TRHDE: variants seen among roughly 807,000 people sequenced by gnomAD.
TRHDE encodes the protein thyrotropin releasing hormone degrading enzyme, also known as thyrotropin-releasing hormone-degrading ectoenzyme.
In TRHDE, 72 loss-of-function variants were observed where a neutral mutation model predicts 125.7. The ratio of observed to expected loss-of-function variants is 0.57; its 90% CI spans 0.47 to 0.70. The LOEUF (loss-of-function observed/expected upper bound fraction) is 0.70. Ranked by LOEUF, TRHDE falls within the 30% of genes least tolerant of loss-of-function variation. The probability of loss-of-function intolerance (pLI) is 0.00; values close to 1 mark genes in which losing one functional copy is unlikely to be tolerated. For missense variants in TRHDE, 1,110 were observed against 1,327.1 expected (o/e 0.84, Z 2.54); for synonymous variants, 509 against 509.1 (o/e 1.00, Z 0.00).
chr12:72,191,444 C>T lies in TRHDE; in HGVS notation n.279+85692C>T, dbSNP rs368157938. Among the ~76,000 whole-genome samples, 7 of 152,246 alleles carry T rather than the reference C, an allele frequency of 4.6e-5. No homozygotes were observed. The East Asian group carries it at 7.7e-4, about 17-fold the overall frequency. On this transcript the variant is annotated intron_variant and non_coding_transcript_variant, in intron 2 of 4. Coordinates refer to the TRHDE transcript ENST00000548156. The stretch of plus-strand genomic sequence containing the variant: ...TTTAATAATCCCCTGTAAAAATTTC[C>T]ATGTTTGTTTCAGTTAGTAACTATG...
In TRHDE at chr12:72,095,746, G is replaced by C. The variant is rs181626788; in HGVS notation, n.174+8307G>C. 3.3e-5 allele frequency among the ~76,000 whole-genome samples: 5 copies of C among 152,302 alleles called. No individual in the cohort carries two copies. In the East Asian group the frequency reaches 7.7e-4, roughly 23 times the overall value. The stretch of plus-strand genomic sequence containing the variant: ...ATGAAGAAATTTGCTAAGACTTGTT[G>C]TTCCTATACTCAGTGTGATGGTTAA... On this transcript the variant is annotated intron_variant and non_coding_transcript_variant, in intron 1 of 4. Coordinates refer to the TRHDE transcript ENST00000548156.
intron 2 of TRHDE, among the ~76,000 whole-genome samples, chr12:72,368,382 T>C (rs926158487): frequency 3.9e-5 from 6 of 152,154 alleles, no homozygotes; most frequent in African/African-American, 1.4e-4. Flanking sequence ...CAATTATATA[T>C]GTATTTTTAC....
chr12:72,537,836 G>A (rs1787639286), intron 6 of TRHDE, among the ~76,000 whole-genome samples: 1 of 152,034 alleles, frequency 6.6e-6, no homozygotes, highest in African/African-American at 2.4e-5. Flanking sequence ...GTATAATGGT[G>A]ACAGACCAAT....
intron 12 of TRHDE, among the ~76,000 whole-genome samples, chr12:72,607,783 C>T (rs1233756651): frequency 2.0e-5 from 3 of 152,118 alleles, no homozygotes; most frequent in Non-Finnish European, 4.4e-5. Flanking sequence ...GTGTTGCTAT[C>T]GCTTTGCTCT....
At chr12:72,502,043 A>G (rs1878178743) in intron 6 of TRHDE, among the ~76,000 whole-genome samples, 1 of 151,994 alleles carries the variant, frequency 6.6e-6, no homozygotes, top group African/African-American at 2.4e-5. Context: ...AGATATTGGT[A>G]ATTTGTGTAT....
chr12:72,660,382 C>G (rs994601471), intron 18 of TRHDE, among the ~76,000 whole-genome samples: 7 of 152,080 alleles, frequency 4.6e-5, no homozygotes, highest in African/African-American at 1.7e-4. Flanking sequence ...CCACAAGAAG[C>G]TGGTGGAGCA....
intron 15 of TRHDE, among the ~76,000 whole-genome samples, chr12:72,630,811 T>C (rs1873462454): frequency 6.7e-6 from 1 of 149,800 alleles, no homozygotes. Context: ...TTTTTAACTG[T>C]ATAGGGAAAA....
intron 3 of TRHDE, among the ~76,000 whole-genome samples, chr12:72,403,321 G>A (rs1433612177): frequency 1.3e-5 from 2 of 152,094 alleles, no homozygotes; most frequent in African/African-American, 2.4e-5. Context: ...GAACATTCAG[G>A]GCCTTTGTAT....
intron 12 of TRHDE, among the ~76,000 whole-genome samples, chr12:72,608,069 T>G (rs1251559788): frequency 6.6e-6 from 1 of 152,134 alleles, no homozygotes. Context: ...GAACTAGAGC[T>G]GTACTTGGTT....
In TRHDE at chr12:72,353,001, T is replaced by TA. The variant is rs1213615403; in HGVS notation, c.1189-24987dup. On this transcript the variant is annotated intron_variant, in intron 2 of 18. Transcript: ENST00000261180. ...GTAGTATGTGTTTCTGCTTCTTTTT[T>TA]AAAAAAATTACCCAATACAACCATG... 2.0e-5 allele frequency among the ~76,000 whole-genome samples: 3 copies of TA among 151,716 alleles called. No individual in the cohort carries two copies. In the East Asian group the frequency reaches 5.8e-4, roughly 29 times the overall value.
At chr12:72,292,273 T>C (rs1880118135) in intron 2 of TRHDE, among the ~76,000 whole-genome samples, 1 of 152,238 alleles carries the variant, frequency 6.6e-6, no homozygotes, top group Admixed American at 6.5e-5. Flanking sequence ...ATTTTTGTCC[T>C]GACAGTGACC....
At chr12:72,589,395 TG>T (rs1871577671) in intron 12 of TRHDE, among the ~76,000 whole-genome samples, 2 of 152,170 alleles carry the variant, frequency 1.3e-5, no homozygotes, top group African/African-American at 4.8e-5. Flanking sequence ...CATGCAGGTT[TG>T]TTACATAGGT....
intron 2 of TRHDE, among the ~76,000 whole-genome samples, chr12:72,336,128 T>C (rs1281469595): frequency 6.6e-6 from 1 of 152,166 alleles, no homozygotes; most frequent in African/African-American, 2.4e-5. Flanking sequence ...TAACATTTGT[T>C]GAGAACTTAC....
chr12:72,272,790 C>T lies in TRHDE; in HGVS notation c.147C>T (p.Asp49=). Residue 49 remains aspartate, a synonymous_variant, in exon 1 of 19, where the codon GAC becomes GAT. Transcript: ENST00000261180. This position sits in a 1 kb window ranked among gnomAD's most constrained non-coding sequence, Gnocchi z 6.7. The stretch of plus-strand genomic sequence containing the variant: ...CCTTCGCAGCCGCGATGGGGGAAGA[C>T]GACGCCGCGCTTCGGGCTGGCAGCA... ...SSPFAAAMGE[D]DAALRAGSRG... is the part of the protein sequence containing the mutation. The T allele has an allele frequency of 6.4e-7, 1 of 1,558,384 alleles. No homozygotes were observed. Among genetic ancestry groups the T allele is most frequent in the African/African-American group, 1.4e-5 (1 of 73,792 alleles).
chr12:72,647,877 T>C (rs570163963), intron 15 of TRHDE, among the ~76,000 whole-genome samples: 4 of 152,146 alleles, frequency 2.6e-5, no homozygotes, highest in African/African-American at 9.6e-5. Context: ...TCTGAAACTT[T>C]CAAAAAAATT....
chr12:72,219,546 C>T (rs1306225816), intron 2 of TRHDE, among the ~76,000 whole-genome samples: 2 of 152,136 alleles, frequency 1.3e-5, no homozygotes, highest in African/African-American at 4.8e-5. Context: ...CAATCCCTTT[C>T]CCATCCTGGG....
chr12:72,432,567 G>T (rs1487209040), intron 3 of TRHDE, among the ~76,000 whole-genome samples: 1 of 152,076 alleles, frequency 6.6e-6, no homozygotes, highest in African/African-American at 2.4e-5. Flanking sequence ...CTTTCAGAAG[G>T]TTTGTGTCTT....
chr12:72,636,752 T>C (rs1384396864), intron 15 of TRHDE, among the ~76,000 whole-genome samples: 1 of 152,248 alleles, frequency 6.6e-6, no homozygotes, highest in Admixed American at 6.5e-5. Flanking sequence ...TCTGCATCTA[T>C]TGAGACAATC....
intron 3 of TRHDE, among the ~76,000 whole-genome samples, chr12:72,403,194 G>C (rs1873119834): frequency 6.6e-6 from 1 of 152,134 alleles, no homozygotes; most frequent in African/African-American, 2.4e-5. Flanking sequence ...ACATAATGTG[G>C]CAAGGACCGA....
Sources: gnomAD v4.1 joint callset for allele counts (sites outside exome capture counted in the v4.1 genomes callset) on GRCh38, gnomAD v4.1.1 for gene constraint, Gnocchi (gnomAD v3.1) non-coding constraint, MANE v1.5 for transcripts, NCBI Gene and HGNC (gene_info 2026-07-23, HGNC 2026-07-21) for gene names.